CARD9: variants seen among roughly 807,000 people sequenced by gnomAD.
CARD9 encodes caspase recruitment domain family member 9, also known as caspase recruitment domain-containing protein 9.
In CARD9, 53 loss-of-function variants were observed where a neutral mutation model predicts 66.0. The observed-to-expected ratio is 0.80, with a 90% CI of 0.64 to 1.01. The LOEUF (loss-of-function observed/expected upper bound fraction) is 1.01. CARD9 is among the 50% of genes least tolerant of loss of function. CARD9 has a pLI of 0.00. For missense variants in CARD9, 769 were observed against 743.2 expected (o/e 1.03, Z -0.40); for synonymous variants, 387 against 313.8 (o/e 1.23, Z -2.47).
intron 8 of CARD9, 112 bp from the exon 9 acceptor site, chr9:136,367,369 G>T: frequency 1.6e-6 from 2 of 1,224,374 alleles, no homozygotes; most frequent in Non-Finnish European, 2.3e-6. Flanking sequence ...CATGCCCTCA[G>T]CCACACCAGG....
chr9:136,366,855 A>T lies in CARD9; in HGVS notation c.1312-10T>A. On this transcript the variant is annotated splice_polypyrimidine_tract_variant and intron_variant, in intron 9 of 12. Coordinates refer to ENST00000371732, the MANE Select transcript of CARD9 (RefSeq NM_052813.5). ...CCTGGGGGAGTGAGAGCTTCCAAAG[A>T]GAGTCAAGATGTCCCATTAGGCCAC... 6.2e-7 allele frequency: 1 copy of T among 1,612,892 alleles called. No individual in the cohort carries two copies. Among genetic ancestry groups the T allele is most frequent in the South Asian group, 1.1e-5 (1 of 91,088 alleles).
rs1406413522 is a variant in CARD9, at chr9:136,364,036, G to A, written c.*266C>T. ...TGCATGCATGTATTGTGTGTTACAT[G>A]GTGAAACAGAACAGATCCTGAAGTT... On this transcript the variant is annotated 3_prime_UTR_variant, in exon 13 of 13. Coordinates refer to ENST00000371732, the MANE Select transcript of CARD9 (RefSeq NM_052813.5). 1 of 1,484,966 alleles carries A rather than the reference G, an allele frequency of 6.7e-7. No homozygotes were observed. Among genetic ancestry groups the A allele is most frequent in the Non-Finnish European group, 9.2e-7 (1 of 1,087,290 alleles). The allele number at this position is 1,484,966 out of a possible 1,614,324, so 92.0% of individuals were successfully genotyped here.
chr9:136,371,542 A>T (rs1833274313), intron 2 of CARD9, 81 bp from the exon 3 acceptor site: 3 of 1,516,228 alleles, frequency 2.0e-6, no homozygotes, highest in African/African-American at 2.8e-5. Context: ...GGGCAGGGAC[A>T]GGTGGAGGCT....
At position 136,365,216 on chromosome 9, in the gene CARD9, G is replaced by T. The variant is rs1489024588; in HGVS notation, c.1359C>A (p.Gly453=). ...TCGGGCTCCCCCCGCCGGCAAGGCA[G>T]CCTGGAAAGGAGAGTCGTGCCTGTG... The part of the protein sequence containing the change: ...DLEDTQLSDK[G]CLAGGGSPKQ... The change falls in exon 11 of 13, where the codon GGC becomes GGA. Residue 453 remains glycine (G), a splice_region_variant and synonymous_variant. Transcript: ENST00000371732. 5 of 1,608,410 alleles carry T rather than the reference G, an allele frequency of 3.1e-6. No individual in the cohort carries two copies. Among genetic ancestry groups the T allele is most frequent in the East Asian group, 2.2e-5 (1 of 44,878 alleles).
chr9:136,372,102 G>A lies in CARD9; in HGVS notation c.-16-8C>T, dbSNP rs761327977. 18 of 1,611,872 alleles carry A rather than the reference G, an allele frequency of 1.1e-5. 2 individuals carry two copies. In the South Asian group the frequency reaches 2.0e-4, roughly 18 times the overall value. On this transcript the variant is annotated splice_region_variant and splice_polypyrimidine_tract_variant and intron_variant, in intron 1 of 12. Transcript: ENST00000371732. ...ATGGCCTCAGCAGGCAGGCTGGGGA[G>A]TGTGGGGCAGTGCTGAGAGCGATGC...
In CARD9 at chr9:136,367,682, G is replaced by A. The variant is rs745746683; in HGVS notation, c.1224C>T (p.Ala408=). ...QVFQCEAQLL[A]VEGRLRRQQL... Reference sequence around the variant, plus strand: ...GCTGCCGCCTGAGCCTGCCCTCCACGGCCAGTAGCTGCGCCTCACACTGGA... The same window carrying A: ...GCTGCCGCCTGAGCCTGCCCTCCACAGCCAGTAGCTGCGCCTCACACTGGA... Residue 408 remains alanine, a synonymous_variant, in exon 8 of 13, where the codon GCC becomes GCT. Coordinates refer to ENST00000371732, the MANE Select transcript of CARD9 (RefSeq NM_052813.5). 3.4e-5 allele frequency: 55 copies of A among 1,599,952 alleles called. No homozygotes were observed. The highest frequency in any genetic ancestry group is 2.0e-4 in the South Asian group (18 of 90,050).
At chr9:136,368,025 C>T (rs1833169314) in intron 7 of CARD9, 197 bp from the exon 8 acceptor site, 2 of 1,416,118 alleles carry the variant, frequency 1.4e-6, no homozygotes, top group African/African-American at 1.5e-5. Context: ...TGACAGTTGT[C>T]CCTGCTGCCC....
rs562350905 is a variant in CARD9 at position 136,367,136 on chromosome 9, T to A, written c.1311+80A>T. The A allele has an allele frequency of 7.7e-5, 114 of 1,483,426 alleles. No individual in the cohort carries two copies. The South Asian group carries it at 1.3e-3, about 17-fold the overall frequency. 91.9% of individuals were successfully genotyped at this position (1,483,426 alleles called of 1,614,324 possible). On this transcript the variant is annotated intron_variant, in intron 9 of 12. Transcript: ENST00000371732. ...GAGCAGGGCCATGTGACGGGCAGTGTGGGGCTATGCCTGGTGGCAGCTCAG... is the reference window on the plus strand; with the variant it reads ...GAGCAGGGCCATGTGACGGGCAGTGAGGGGCTATGCCTGGTGGCAGCTCAG...
At chr9:136,365,444 A>G (rs991051316) in intron 10 of CARD9, 3 of 575,760 alleles carry the variant, frequency 5.2e-6, no homozygotes, top group South Asian at 2.1e-5. Context: ...CCCAGGCCCA[A>G]CGCTCCCGCC....
At chr9:136,371,792 G>T in intron 2 of CARD9, 103 bp downstream of exon 2, 1 of 1,505,006 alleles carries the variant, frequency 6.6e-7, no homozygotes, top group South Asian at 1.3e-5. Context: ...AAGCCAGGCG[G>T]GGCTCTCCTG....
chr9:136,370,387 G>A lies in CARD9; in HGVS notation c.858C>T (p.Asp286=), dbSNP rs745509934. 1.2e-5 allele frequency: 19 copies of A among 1,611,082 alleles called. No individual in the cohort carries two copies. The highest frequency in any genetic ancestry group is 5.0e-5 in the Admixed American group (3 of 59,846). ...SSPYIQVLEE[D]WRQALRDHQE... ...GGTGGTCCCGCAGCGCCTGCCGCCA[G>A]TCCTCCTCCAGTACCTGGATGTAGG... Residue 286 remains aspartate, a synonymous_variant, in exon 6 of 13, where the codon GAC becomes GAT. Transcript: ENST00000371732.
chr9:136,367,032 G>A (rs1399469243), intron 9 of CARD9, among the ~76,000 whole-genome samples, 184 bp downstream of exon 9: 8 of 152,202 alleles, frequency 5.3e-5, no homozygotes, highest in Non-Finnish European at 7.3e-5. Flanking sequence ...GGCACTGTCC[G>A]TGCCTTACCT....
At chr9:136,367,995 C>T (rs1588722313) in intron 7 of CARD9, 167 bp from the exon 8 acceptor site, 2 of 1,422,298 alleles carry the variant, frequency 1.4e-6, no homozygotes, top group East Asian at 2.6e-5. Context: ...ACGAAGTCAG[C>T]ACGTGGGGGA....
intron 1 of CARD9, among the ~76,000 whole-genome samples, chr9:136,372,739 G>C (rs1588727245): frequency 1.3e-5 from 2 of 152,252 alleles, no homozygotes; most frequent in Admixed American, 1.3e-4. Flanking sequence ...CCCTGCTGCA[G>C]CTGCGGGGTC....
chr9:136,372,098 G>C lies in CARD9; in HGVS notation c.-16-4C>G. 2 of 1,612,016 alleles carry C rather than the reference G, an allele frequency of 1.2e-6. No homozygotes were observed. The highest frequency in any genetic ancestry group is 2.2e-5 in the East Asian group (1 of 44,870). On this transcript the variant is annotated splice_region_variant and splice_polypyrimidine_tract_variant and intron_variant, in intron 1 of 12. Transcript: ENST00000371732. ...CGACATGGCCTCAGCAGGCAGGCTG[G>C]GGAGTGTGGGGCAGTGCTGAGAGCG...
intron 5 of CARD9, 36 bp from the exon 6 acceptor site, chr9:136,370,473 G>A: frequency 1.2e-6 from 2 of 1,605,544 alleles, no homozygotes; most frequent in South Asian, 1.1e-5. Context: ...TGGCTGGGAA[G>A]GCCCCCACTG....
chr9:136,364,506 T>C lies in CARD9; in HGVS notation c.1488A>G (p.Lys496=). The C allele has an allele frequency of 6.5e-7, 1 of 1,539,476 alleles. No individual in the cohort carries two copies. The highest frequency in any genetic ancestry group is 1.4e-5 in the African/African-American group (1 of 73,166). ...EPPEKERRRL[K]ESFENYRRKR... is the part of the protein sequence containing the mutation. ...ACCTGCGGTAGTTCTCAAAACTCTC[T>C]TTGAGGCGCCGCCGCTCCTTCTCGG... Residue 496 remains lysine (K), a synonymous_variant, in exon 12 of 13, where the codon AAA becomes AAG. Coordinates refer to ENST00000371732, the MANE Select transcript of CARD9 (RefSeq NM_052813.5).
rs1193860026 is a variant in CARD9, at chr9:136,365,175, G to A, written c.1400C>T (p.Ala467Val). Residue 467 changes from alanine (A) to valine (V), a missense_variant, in exon 11 of 13, where the codon GCT becomes GTT. By Grantham distance (64) the Ala-to-Val change is moderately conservative (BLOSUM62 0). Coordinates refer to ENST00000371732, the MANE Select transcript of CARD9 (RefSeq NM_052813.5). Reference protein sequence around the residue: ...GGGSPKQPFAALHQEQVLRNP... With the variant: ...GGGSPKQPFAVLHQEQVLRNP... ...CCGCAAAACCTGCTCCTGGTGCAGA[G>A]CTGCAAAGGGCTGTTTCGGGCTCCC... The A allele has an allele frequency of 1.2e-6, 2 of 1,611,322 alleles. No individual in the cohort carries two copies. Among genetic ancestry groups the A allele is most frequent in the African/African-American group, 2.7e-5 (2 of 74,906 alleles).
At position 136,365,147 on chromosome 9, in the gene CARD9, G is replaced by GGAA; in HGVS notation, c.1427_1428insTTC (p.Asn476_Pro477insSer). ...CACCCCGGGGAAGCCTTACATGGGG[G>GGAA]TTCCGCAAAACCTGCTCCTGGTGCA... On this transcript the variant is annotated inframe_insertion, in exon 11 of 13. Transcript: ENST00000371732. 1 of 1,612,128 alleles carries GGAA rather than the reference G, an allele frequency of 6.2e-7. No individual in the cohort carries two copies. The highest frequency in any genetic ancestry group is 8.5e-7 in the Non-Finnish European group (1 of 1,179,860).
Sources: allele counts gnomAD v4.1 joint callset (sites outside exome capture counted in the v4.1 genomes callset), GRCh38; gene constraint gnomAD v4.1.1; transcripts MANE v1.5; gene names NCBI Gene and HGNC (gene_info 2026-07-23, HGNC 2026-07-21).